TMEM132E: variants seen among roughly 807,000 people sequenced by gnomAD.
TMEM132E encodes transmembrane protein 132E.
Under a neutral mutation model 78.5 loss-of-function variants are expected in TMEM132E, and 49 were observed. That is an observed-to-expected ratio of 0.62 (90% CI 0.50 to 0.79). The LOEUF is 0.79. Among genes scored for constraint, TMEM132E ranks in the 30% least tolerant of loss-of-function variants. The pLI is 0.00. For missense variants in TMEM132E, 1,403 were observed against 1,470.9 expected, an observed-to-expected ratio of 0.95 and a Z score of 0.75; for synonymous variants, 715 against 670.6, an observed-to-expected ratio of 1.07 and a Z score of -1.02.
chr17:34,620,402 T>A (rs1253370646), intron 1 of TMEM132E, among the ~76,000 whole-genome samples: 1 of 152,262 alleles, frequency 6.6e-6, no homozygotes, highest in Admixed American at 6.5e-5. Flanking sequence ...GAGGGCAGTG[T>A]TCAGGGCCCA....
intron 1 of TMEM132E, among the ~76,000 whole-genome samples, chr17:34,613,223 G>C (rs116749736): frequency 0.013 from 1,871 of 148,428 alleles, 50 homozygotes; most frequent in African/African-American, 0.043. Flanking sequence ...GCGCGCGCGC[G>C]CGCGTTCTTA....
At chr17:34,621,151 G>A (rs1481525120) in intron 1 of TMEM132E, among the ~76,000 whole-genome samples, 1 of 152,158 alleles carries the variant, frequency 6.6e-6, no homozygotes, top group Non-Finnish European at 1.5e-5. Flanking sequence ...GCTCGGAGGG[G>A]CAGAAATACC....
intron 1 of TMEM132E, among the ~76,000 whole-genome samples, chr17:34,613,426 A>G (rs1318263905): frequency 1.8e-5 from 2 of 110,182 alleles, no homozygotes; most frequent in Non-Finnish European, 3.5e-5. Context: ...TTCCCAGGCC[A>G]GGGCTGTGCA....
At chr17:34,619,891 G>C (rs73284083) in intron 1 of TMEM132E, among the ~76,000 whole-genome samples, 8,779 of 152,340 alleles carry the variant, frequency 0.058, 713 homozygotes, top group East Asian at 0.17. Flanking sequence ...TGTGCACACA[G>C]AGGTGAGCAG....
At position 34,610,272 on chromosome 17, in the gene TMEM132E, A is replaced by G. The variant is rs144905956; in HGVS notation, c.68-15855A>G. On this transcript the variant is annotated intron_variant, in intron 1 of 8. Coordinates refer to ENST00000631683, the MANE Select transcript of TMEM132E (RefSeq NM_001304438.2). ...TCTTCTTTATCTCTGTCTCCCTGGC[A>G]GTTCCCAGCAGGGTCTGGTGCAGAG... Among the ~76,000 whole-genome samples, 417 of 152,328 alleles carry G rather than the reference A, an allele frequency of 2.7e-3. 5 individuals carry two copies. Among genetic ancestry groups the G allele is most frequent in the African/African-American group, 9.7e-3 (402 of 41,576 alleles).
intron 1 of TMEM132E, among the ~76,000 whole-genome samples, chr17:34,610,748 G>T (rs559662022): frequency 6.6e-6 from 1 of 152,314 alleles, no homozygotes; most frequent in South Asian, 2.1e-4. Flanking sequence ...AACAGGGAGC[G>T]GGAGCATACT....
chr17:34,626,322 C>T lies in TMEM132E; in HGVS notation c.263C>T (p.Pro88Leu), dbSNP rs776520313. Residue 88 changes from proline (P) to leucine (L), a missense_variant, in exon 2 of 9, where the codon CCG becomes CTG. By Grantham distance (98) the Pro-to-Leu change is moderately conservative. Transcript: ENST00000631683. ...GTGGTGTTCCAGACCAAGGAGCTGCCGGTCCTCAACGTCTCTCTGGGGCCC... is the reference window on the plus strand; with the variant it reads ...GTGGTGTTCCAGACCAAGGAGCTGCTGGTCCTCAACGTCTCTCTGGGGCCC... ...PFVVFQTKEL[P>L]VLNVSLGPFS... 1.9e-6 allele frequency: 3 copies of T among 1,612,404 alleles called. No homozygotes were observed. The highest frequency in any genetic ancestry group is 3.3e-5 in the Admixed American group (2 of 59,880).
intron 1 of TMEM132E, among the ~76,000 whole-genome samples, chr17:34,597,795 C>T (rs73284027): frequency 0.011 from 1,724 of 152,282 alleles, 33 homozygotes; most frequent in African/African-American, 0.039. Context: ...CCATAACCTC[C>T]ACTCATGCTC....
At chr17:34,608,628 G>A (rs1319632444) in intron 1 of TMEM132E, among the ~76,000 whole-genome samples, 1 of 152,194 alleles carries the variant, frequency 6.6e-6, no homozygotes, top group Non-Finnish European at 1.5e-5. Flanking sequence ...AGTCTGCAAA[G>A]AACTGTTGGG....
chr17:34,580,403 A>C lies in TMEM132E; in HGVS notation c.-674A>C, dbSNP rs1035424274. ...GGAGGAGCGAGCCTTGCGAGGGGAC[A>C]AACATCTGGCCGCCCGCCTCGGGCA... On this transcript the variant is annotated 5_prime_UTR_variant, in exon 1 of 9. Coordinates refer to ENST00000631683, the MANE Select transcript of TMEM132E (RefSeq NM_001304438.2). 3 of 152,424 alleles carry C rather than the reference A, an allele frequency of 2.0e-5. No individual in the cohort carries two copies. Among genetic ancestry groups the C allele is most frequent in the African/African-American group, 4.8e-5 (2 of 41,464 alleles). 9.4% of individuals were successfully genotyped at this position (152,424 alleles called of 1,614,324 possible).
rs1905442024 is a variant in TMEM132E at position 34,580,816 on chromosome 17, C to T, written c.-261C>T. ...CAGCTCCCCCCGCGCCTCGCAGATC[C>T]TGCAGGGGGCACCAGCTGGGGGAGG... On this transcript the variant is annotated 5_prime_UTR_variant, in exon 1 of 9. Transcript: ENST00000631683. 4.6e-6 allele frequency: 2 copies of T among 435,482 alleles called. No individual in the cohort carries two copies. Among genetic ancestry groups the T allele is most frequent in the South Asian group, 8.1e-5 (2 of 24,662 alleles). The allele number at this position is 435,482 out of a possible 1,614,324, so 27.0% of individuals were successfully genotyped here. A position where few individuals can be genotyped will look rare whatever the true frequency, so the allele number is the denominator to read the frequency against.
intron 1 of TMEM132E, among the ~76,000 whole-genome samples, chr17:34,583,537 G>A (rs915899238): frequency 5.9e-5 from 9 of 152,212 alleles, no homozygotes; most frequent in African/African-American, 2.2e-4. Context: ...TAAGAATAGG[G>A]TCCGGGGACT....
At chr17:34,626,043 G>T (rs918380807) in intron 1 of TMEM132E, 84 bp from the exon 2 acceptor site, 3 of 1,276,546 alleles carry the variant, frequency 2.4e-6, no homozygotes, top group Non-Finnish European at 2.1e-6. Flanking sequence ...CTGTGGGGTG[G>T]GAGAGACGAG....
At chr17:34,627,340 C>G (rs1907185366) in intron 2 of TMEM132E, among the ~76,000 whole-genome samples, 1 of 152,130 alleles carries the variant, frequency 6.6e-6, no homozygotes, top group East Asian at 1.9e-4. Flanking sequence ...GTTTCACAAG[C>G]ATAGATTTCC....
intron 1 of TMEM132E, among the ~76,000 whole-genome samples, chr17:34,604,930 C>G (rs1906363598): frequency 6.6e-6 from 1 of 152,198 alleles, no homozygotes; most frequent in African/African-American, 2.4e-5. Flanking sequence ...GGTTAAACAA[C>G]TTTCTCAAGG....
intron 1 of TMEM132E, among the ~76,000 whole-genome samples, chr17:34,613,184 C>T (rs1906652867): frequency 9.1e-6 from 1 of 109,340 alleles, no homozygotes; most frequent in African/African-American, 3.0e-5. Context: ...TACACACACA[C>T]ACACACACAC....
At chr17:34,613,211 A>ACACACGCGCGCG in intron 1 of TMEM132E, among the ~76,000 whole-genome samples, 1,961 of 115,822 alleles carry the variant, frequency 0.017, 39 homozygotes, top group Admixed American at 0.032. Context: ...ACACACACAC[A>ACACACGCGCGCG]CGCGCGCGCG....
rs112576629 is a variant in TMEM132E at position 34,627,033 on chromosome 17, C to G, written c.974C>G (p.Pro325Arg). 1,127 of 1,613,756 alleles carry G rather than the reference C, an allele frequency of 7.0e-4. 14 individuals are homozygous for G. The African/African-American group carries it at 0.013, about 18-fold the overall frequency. ...LAPNSSSPSSPSVEHFTLRVK... is the reference protein window; with the variant it reads ...LAPNSSSPSSRSVEHFTLRVK... ...CCCAACTCCTCCTCGCCCTCCAGCC[C>G]CAGCGTGGAGCACTTCACACTCAGG... Residue 325 changes from proline to arginine, a missense_variant, in exon 2 of 9, where the codon CCC (proline) becomes CGC (arginine). Pro to Arg is a moderately radical substitution (Grantham distance 103). This residue lies in a region of TMEM132E where 511 missense variants were observed against 499.0 expected (regional missense o/e 1.02). Transcript: ENST00000631683.
chr17:34,634,622 A>G (rs1282879267), intron 6 of TMEM132E, among the ~76,000 whole-genome samples, 177 bp from the exon 7 acceptor site: 1 of 152,186 alleles, frequency 6.6e-6, no homozygotes, highest in Non-Finnish European at 1.5e-5. Context: ...TAGGAGAGAA[A>G]AGGCTGGGAC....
Sources: gnomAD v4.1 joint callset for allele counts (sites outside exome capture counted in the v4.1 genomes callset) on GRCh38, gnomAD v4.1.1 for gene constraint, gnomAD v4.1.1 regional missense constraint, MANE v1.5 for transcripts, NCBI Gene and HGNC (gene_info 2026-07-23, HGNC 2026-07-21) for gene names.